LRRC9: variants seen among roughly 807,000 people sequenced by gnomAD.
The protein encoded by LRRC9 is leucine rich repeat containing 9.
LRRC9 carries 122 observed loss-of-function variants against 63.2 expected under a neutral mutation model. The observed-to-expected ratio is 1.93, with a 90% CI of 1.67 to 2.24. The LOEUF is 2.24. Ranked by LOEUF, LRRC9 falls within the 30% of genes most tolerant of loss-of-function variation. The probability of loss-of-function intolerance (pLI) is 0.00; values close to 1 mark genes in which losing one functional copy is unlikely to be tolerated. For missense variants in LRRC9, 1,071 were observed against 627.7 expected, an observed-to-expected ratio of 1.71 and a Z score of -7.55; for synonymous variants, 366 against 213.1, an observed-to-expected ratio of 1.72 and a Z score of -6.25.
chr14:59,995,208 AATGT>A (rs1888627629), intron 17 of LRRC9, among the ~76,000 whole-genome samples: 1 of 152,198 alleles, frequency 6.6e-6, no homozygotes. Context: ...GGCAAATTGA[AATGT>A]AATAAGCTGC....
intron 17 of LRRC9, among the ~76,000 whole-genome samples, chr14:59,992,488 G>T (rs1888259000): frequency 2.6e-5 from 4 of 151,930 alleles, no homozygotes; most frequent in Admixed American, 6.6e-5. Context: ...TTGAGAGAAG[G>T]CTTCAGACGA....
intron 29 of LRRC9, among the ~76,000 whole-genome samples, chr14:60,046,591 G>A (rs76974666): frequency 0.022 from 3,349 of 152,074 alleles, 60 homozygotes; most frequent in South Asian, 0.05. Flanking sequence ...GTAGGTGTGC[G>A]GTCTTATTTC....
intron 24 of LRRC9, 41 bp from the exon 25 acceptor site, chr14:60,018,330 C>A (rs927154925): frequency 4.3e-6 from 3 of 697,414 alleles, no homozygotes; most frequent in Non-Finnish European, 7.9e-6. Flanking sequence ...ATTTTCCTGT[C>A]CTATTAAAAT....
In LRRC9 at chr14:59,932,863, A is replaced by G. The variant is rs1889818099; in HGVS notation, c.543+824A>G. ...TGGAACCTTTAAAAATCTGTCAGAT[A>G]AAAATCACCCTTCTGCTTAAAACCC... On this transcript the variant is annotated intron_variant, in intron 6 of 31. Coordinates refer to ENST00000445360, the Ensembl canonical transcript of LRRC9. The surrounding 1 kb of genome is among the most constrained non-coding windows in gnomAD (Gnocchi z 4.7). 6.6e-6 allele frequency among the ~76,000 whole-genome samples: 1 copy of G among 152,154 alleles called. No homozygotes were observed. The highest frequency in any genetic ancestry group is 1.5e-5 in the Non-Finnish European group (1 of 68,010).
intron 8 of LRRC9, among the ~76,000 whole-genome samples, chr14:59,954,129 G>A (rs1883468294): frequency 6.6e-6 from 1 of 152,146 alleles, no homozygotes. Context: ...CCTTAGAATT[G>A]TTTTGGCTAT....
rs138887951 is a variant in LRRC9 at position 59,938,191 on chromosome 14, G to A, written c.544-199G>A. ...TTTAAAAGGCATAGTGGTGTAGCAT[G>A]TTGTTTAATTATTGTTGATATTTTC... On this transcript the variant is annotated intron_variant, in intron 6 of 31. Coordinates refer to ENST00000445360, the Ensembl canonical transcript of LRRC9. The surrounding 1 kb of genome is among the most constrained non-coding windows in gnomAD (Gnocchi z 4.2). Among the ~76,000 whole-genome samples the A allele has an allele frequency of 6.6e-6, 1 of 152,228 alleles. No homozygotes were observed. The highest frequency in any genetic ancestry group is 1.9e-4 in the East Asian group (1 of 5,186).
chr14:60,030,887 T>C (rs1354377467), intron 28 of LRRC9, among the ~76,000 whole-genome samples: 1 of 152,112 alleles, frequency 6.6e-6, no homozygotes, highest in Non-Finnish European at 1.5e-5. Context: ...CCCACAATTA[T>C]GGACATATTA....
At chr14:60,002,270 T>C (rs192428538) in intron 20 of LRRC9, among the ~76,000 whole-genome samples, 170 bp downstream of exon 20, 1 of 152,318 alleles carries the variant, frequency 6.6e-6, no homozygotes, top group East Asian at 1.9e-4. Context: ...TTGGCAAATT[T>C]CAAGTATACA....
At chr14:59,991,779 GCCATTGC>G (rs148204933) in intron 17 of LRRC9, among the ~76,000 whole-genome samples, 80,414 of 148,994 alleles carry the variant, frequency 0.54, 22,442 homozygotes, top group Non-Finnish European at 0.64. Context: ...AGGGGTGCCC[GCCATTGC>G]CCAGGCTTCA....
chr14:60,041,256 G>A (rs1399485558), intron 29 of LRRC9, among the ~76,000 whole-genome samples: 2 of 152,092 alleles, frequency 1.3e-5, no homozygotes, highest in African/African-American at 2.4e-5. Context: ...CTCTTCTTGA[G>A]GAGTATCTTC....
intron 8 of LRRC9, among the ~76,000 whole-genome samples, chr14:59,951,863 A>G (rs1206831267): frequency 6.6e-6 from 1 of 152,144 alleles, no homozygotes; most frequent in Non-Finnish European, 1.5e-5. Context: ...CCGTTCTCAG[A>G]TCTCCAGCTG....
At chr14:60,008,926 G>A (rs1566872216) in intron 23 of LRRC9, among the ~76,000 whole-genome samples, 1 of 152,096 alleles carries the variant, frequency 6.6e-6, no homozygotes, top group Non-Finnish European at 1.5e-5. Context: ...TCTGTTTTCT[G>A]GCCCATCCTC....
intron 17 of LRRC9, among the ~76,000 whole-genome samples, chr14:59,991,602 C>T (rs1195428902): frequency 6.6e-6 from 1 of 152,122 alleles, no homozygotes; most frequent in Non-Finnish European, 1.5e-5. Flanking sequence ...CCTGGAAAAT[C>T]GAGTCACTCC....
At chr14:60,007,940 T>TAAA (rs398043778) in intron 22 of LRRC9, among the ~76,000 whole-genome samples, 152 bp from the exon 23 acceptor site, 2 of 126,934 alleles carry the variant, frequency 1.6e-5, no homozygotes, top group Non-Finnish European at 1.6e-5. Context: ...ACCATGTCTT[T>TAAA]AAAAAAAAAA....
chr14:59,967,426 C>T (rs527522518), intron 12 of LRRC9, among the ~76,000 whole-genome samples: 33 of 152,290 alleles, frequency 2.2e-4, no homozygotes, highest in African/African-American at 6.5e-4. Flanking sequence ...CCTGACCCTA[C>T]GTAATCCTTC....
rs1887532119 is a variant in LRRC9 at position 59,986,932 on chromosome 14, TA to T, written c.2211+1713del. 6.6e-6 allele frequency among the ~76,000 whole-genome samples: 1 copy of T among 152,122 alleles called. No homozygotes were observed. The highest frequency in any genetic ancestry group is 2.1e-4 in the South Asian group (1 of 4,826). On this transcript the variant is annotated intron_variant, in intron 17 of 31. Coordinates refer to ENST00000445360, the Ensembl canonical transcript of LRRC9. This position sits in a 1 kb window ranked among gnomAD's most constrained non-coding sequence, Gnocchi z 4.7. The stretch of plus-strand genomic sequence containing the variant: ...ATAGACCTTTCAAATGTCAAGTCTC[TA>T]AAAATGACTCTAAGGATATTAGAGG...
At chr14:60,034,271 C>G (rs1379195047) in intron 29 of LRRC9, among the ~76,000 whole-genome samples, 1 of 151,942 alleles carries the variant, frequency 6.6e-6, no homozygotes, top group African/African-American at 2.4e-5. Context: ...CCTGCCTCGG[C>G]CTCCCAAAGT....
rs1473874402 is a variant in LRRC9, at chr14:59,931,683, G to A, written c.472+1G>A. The A allele has an allele frequency of 4.3e-6, 3 of 692,576 alleles. No individual in the cohort carries two copies. In the East Asian group the frequency reaches 8.1e-5, roughly 19 times the overall value. The allele number at this position is 692,576 out of a possible 1,614,324, so 42.9% of individuals were successfully genotyped here. A position where few individuals can be genotyped will look rare whatever the true frequency, so the allele number is the denominator to read the frequency against. On this transcript the variant is annotated splice_donor_variant, in intron 5 of 31. Transcript: ENST00000445360. LOFTEE classifies it high-confidence loss of function. The stretch of plus-strand genomic sequence containing the variant: ...GCTGGAAATCTAATAAATAGCATTG[G>A]TATGTACTATTTCATTTGGAATCTG...
intron 8 of LRRC9, 111 bp from the exon 9 acceptor site, chr14:59,959,707 T>G (rs1884154234): frequency 2.0e-6 from 1 of 493,432 alleles, no homozygotes; most frequent in Non-Finnish European, 3.6e-6. Context: ...TTTGTTCATT[T>G]AAATTAGACA....
Sources: allele counts gnomAD v4.1 joint callset (sites outside exome capture counted in the v4.1 genomes callset), GRCh38; gene constraint gnomAD v4.1.1; non-coding constraint Gnocchi (gnomAD v3.1); transcripts MANE v1.5; gene names NCBI Gene and HGNC (gene_info 2026-07-23, HGNC 2026-07-21).